OLFML3: variants seen among roughly 807,000 people sequenced by gnomAD.
The protein encoded by OLFML3 is olfactomedin-like protein 3.
Under a neutral mutation model 36.0 loss-of-function variants are expected in OLFML3, and 26 were observed. That is an observed-to-expected ratio of 0.72 (90% CI 0.53 to 1.00). The LOEUF (loss-of-function observed/expected upper bound fraction) is 1.00. OLFML3 is among the 50% of genes least tolerant of loss of function. The pLI, the probability that OLFML3 is intolerant of heterozygous loss-of-function variation, is 0.00. For missense variants in OLFML3, 503 were observed against 519.4 expected (o/e 0.97, Z 0.31); for synonymous variants, 184 against 201.2 (o/e 0.91, Z 0.72).
rs746967304 is a variant in OLFML3 at position 113,980,365 on chromosome 1, C to T, written c.148C>T (p.Arg50Trp). The change falls in exon 2 of 3, where the codon CGG becomes TGG. Residue 50 changes from arginine (R) to tryptophan (W), a missense_variant. Coordinates refer to ENST00000320334, the MANE Select transcript of OLFML3 (RefSeq NM_020190.5). Reference sequence around the variant, plus strand: ...GGCCCAGTGCCAGGACCAGAGTAGTCGGCATGCTGCTGAGCTGCGGGACTT... The same window carrying T: ...GGCCCAGTGCCAGGACCAGAGTAGTTGGCATGCTGCTGAGCTGCGGGACTT... ...RLAQCQDQSS[R>W]HAAELRDFKN... is the part of the protein sequence containing the mutation. 32 of 1,581,226 alleles carry T rather than the reference C, an allele frequency of 2.0e-5. No homozygotes were observed. Among genetic ancestry groups the T allele is most frequent in the Admixed American group, 1.6e-4 (9 of 57,576 alleles).
In OLFML3 at chr1:113,981,467, G is replaced by C. The variant is rs989665551; in HGVS notation, c.919G>C (p.Asp307His). ...CLAKLDPQTLDTEQQWDTPCP... is the reference protein window; with the variant it reads ...CLAKLDPQTLHTEQQWDTPCP... ...GGCCAAGTTAGATCCACAGACACTG[G>C]ACACAGAGCAGCAGTGGGACACACC... The change falls in exon 3 of 3, where the codon GAC (aspartate) becomes CAC (histidine). Residue 307 changes from aspartate (D) to histidine (H), a missense_variant. Physicochemically the swap from Asp to His is moderately conservative, Grantham distance 81. Coordinates refer to ENST00000320334, the MANE Select transcript of OLFML3 (RefSeq NM_020190.5). The C allele has an allele frequency of 5.0e-6, 8 of 1,613,822 alleles. No individual in the cohort carries two copies. The highest frequency in any genetic ancestry group is 5.9e-6 in the Non-Finnish European group (7 of 1,179,946).
Position 113,981,473 on chromosome 1 carries a change from G to A in OLFML3, c.925G>A (p.Glu309Lys). 6.2e-7 allele frequency: 1 copy of A among 1,614,020 alleles called. No homozygotes were observed. Among genetic ancestry groups the A allele is most frequent in the Non-Finnish European group, 8.5e-7 (1 of 1,179,980 alleles). The change falls in exon 3 of 3, where the codon GAG (glutamate) becomes AAG (lysine). Residue 309 changes from glutamate to lysine, a missense_variant. By Grantham distance (56) the Glu-to-Lys change is moderately conservative. Transcript: ENST00000320334. ...GTTAGATCCACAGACACTGGACACA[G>A]AGCAGCAGTGGGACACACCATGTCC... ...AKLDPQTLDT[E>K]QQWDTPCPRE...
Position 113,981,838 on chromosome 1 carries a change from T to C in OLFML3, c.*69T>C. On this transcript the variant is annotated 3_prime_UTR_variant, in exon 3 of 3. Coordinates refer to ENST00000320334, the MANE Select transcript of OLFML3 (RefSeq NM_020190.5). ...TATATTATATCCCCACTAAATTTCT[T>C]GTTCCTCATTCTTCAAATGTGGGCC... 7.2e-7 allele frequency: 1 copy of C among 1,395,484 alleles called. No homozygotes were observed. Among genetic ancestry groups the C allele is most frequent in the Middle Eastern group, 1.9e-4 (1 of 5,380 alleles). 86.4% of individuals were successfully genotyped at this position (1,395,484 alleles called of 1,614,324 possible). A position where few individuals can be genotyped will look rare whatever the true frequency, so the allele number is the denominator to read the frequency against.
intron 2 of OLFML3, 51 bp from the exon 3 acceptor site, chr1:113,980,898 G>A: frequency 7.0e-7 from 1 of 1,438,756 alleles, no homozygotes; most frequent in Middle Eastern, 1.8e-4. Context: ...GTTCCTGCTG[G>A]AGGCATCTAA....
intron 2 of OLFML3, 63 bp from the exon 3 acceptor site, chr1:113,980,886 G>T: frequency 7.4e-6 from 10 of 1,359,432 alleles, no homozygotes; most frequent in Non-Finnish European, 9.9e-6. Flanking sequence ...CACCCTGGGG[G>T]AGTTCCTGCT....
chr1:113,981,430 G>T lies in OLFML3; in HGVS notation c.882G>T (p.Arg294Ser). The change falls in exon 3 of 3, where the codon AGG (arginine) becomes AGT (serine). Residue 294 changes from arginine to serine, a missense_variant. Transcript: ENST00000320334. ...TCTATGCCACCCGGGAGGATGACAG[G>T]CACTTGTGTCTGGCCAAGTTAGATC... Reference protein sequence around the residue: ...WAVYATREDDRHLCLAKLDPQ... With the variant: ...WAVYATREDDSHLCLAKLDPQ... 1.9e-6 allele frequency: 3 copies of T among 1,613,208 alleles called. No individual in the cohort carries two copies. The highest frequency in any genetic ancestry group is 1.7e-4 in the Middle Eastern group (1 of 6,056).
intron 1 of OLFML3, chr1:113,980,003 A>C (rs1673348727): frequency 2.7e-6 from 4 of 1,480,944 alleles, no homozygotes; most frequent in Non-Finnish European, 3.6e-6. Context: ...TTAGTGTCCG[A>C]GAGGATAATT....
chr1:113,980,530 C>T lies in OLFML3; in HGVS notation c.313C>T (p.Pro105Ser). Residue 105 changes from proline (P) to serine (S), a missense_variant, in exon 2 of 3, where the codon CCC becomes TCC. Coordinates refer to ENST00000320334, the MANE Select transcript of OLFML3 (RefSeq NM_020190.5). Reference protein sequence around the residue: ...DYLETQNPALPCVEFDEKVTG... With the variant: ...DYLETQNPALSCVEFDEKVTG... ...TCTGGAGACCCAGAACCCAGCTCTGCCCTGTGTAGAGTTTGATGAGAAGGT... is the reference window on the plus strand; with the variant it reads ...TCTGGAGACCCAGAACCCAGCTCTGTCCTGTGTAGAGTTTGATGAGAAGGT... 1 of 1,614,038 alleles carries T rather than the reference C, an allele frequency of 6.2e-7. No individual in the cohort carries two copies. Among genetic ancestry groups the T allele is most frequent in the Non-Finnish European group, 8.5e-7 (1 of 1,179,990 alleles).
intron 2 of OLFML3, 111 bp downstream of exon 2, chr1:113,980,728 G>A: frequency 7.8e-7 from 1 of 1,287,170 alleles, no homozygotes; most frequent in Non-Finnish European, 1.0e-6. Context: ...TCTGTCTTCT[G>A]GAATCTGTTT....
At position 113,981,175 on chromosome 1, in the gene OLFML3, C is replaced by T. The variant is rs146881363; in HGVS notation, c.627C>T (p.Gly209=). Residue 209 remains glycine (G), a synonymous_variant, in exon 3 of 3, where the codon GGC becomes GGT. Coordinates refer to ENST00000320334, the MANE Select transcript of OLFML3 (RefSeq NM_020190.5). ...SRVRVPFPWV[G]TGQLVYGGFL... is the part of the protein sequence containing the mutation. ...TCCGGGTGCCCTTCCCCTGGGTAGG[C>T]ACAGGGCAGCTGGTATATGGTGGCT... 3.7e-6 allele frequency: 6 copies of T among 1,614,238 alleles called. No homozygotes were observed. Among genetic ancestry groups the T allele is most frequent in the Non-Finnish European group, 5.1e-6 (6 of 1,180,038 alleles).
chr1:113,981,725 A>G lies in OLFML3; in HGVS notation c.1177A>G (p.Ile393Val). ...CTATGCCTGGGATGATGGCTACCAGATTGTCTATAAGCTGGAGATGAGGAA... is the reference window on the plus strand; with the variant it reads ...CTATGCCTGGGATGATGGCTACCAGGTTGTCTATAAGCTGGAGATGAGGAA... Reference protein sequence around the residue: ...QLYAWDDGYQIVYKLEMRKKE... With the variant: ...QLYAWDDGYQVVYKLEMRKKE... Residue 393 changes from isoleucine (I) to valine (V), a missense_variant, in exon 3 of 3, where the codon ATT becomes GTT. Ile to Val is a conservative substitution (Grantham distance 29). Coordinates refer to ENST00000320334, the MANE Select transcript of OLFML3 (RefSeq NM_020190.5). 1 of 1,613,688 alleles carries G rather than the reference A, an allele frequency of 6.2e-7. No homozygotes were observed. The highest frequency in any genetic ancestry group is 1.1e-5 in the South Asian group (1 of 91,030).
At position 113,981,808 on chromosome 1, in the gene OLFML3, A is replaced by G. The variant is rs1270046850; in HGVS notation, c.*39A>G. 6.5e-7 allele frequency: 1 copy of G among 1,527,134 alleles called. No homozygotes were observed. The highest frequency in any genetic ancestry group is 2.4e-5 in the East Asian group (1 of 42,374). 94.6% of individuals were successfully genotyped at this position (1,527,134 alleles called of 1,614,324 possible). A position where few individuals can be genotyped will look rare whatever the true frequency, so the allele number is the denominator to read the frequency against. The stretch of plus-strand genomic sequence containing the variant: ...TTTTTTGCATCTTTCTCACTCCCAT[A>G]CATTTATATTATATCCCCACTAAAT... On this transcript the variant is annotated 3_prime_UTR_variant, in exon 3 of 3. Coordinates refer to ENST00000320334, the MANE Select transcript of OLFML3 (RefSeq NM_020190.5).
In OLFML3 at chr1:113,981,225, C is replaced by T. The variant is rs891088597; in HGVS notation, c.677C>T (p.Pro226Leu). 1.3e-5 allele frequency: 21 copies of T among 1,613,798 alleles called. No homozygotes were observed. Among genetic ancestry groups the T allele is most frequent in the African/African-American group, 2.7e-5 (2 of 74,902 alleles). ...GGFLYFARRP[P>L]GRPGGGGEME... ...TTTCTTTATTTTGCTCGGAGGCCTC[C>T]TGGAAGACCTGGTGGAGGTGGTGAG... is the stretch of plus-strand genomic sequence containing the variant. The change falls in exon 3 of 3, where the codon CCT (proline) becomes CTT (leucine). Residue 226 changes from proline to leucine, a missense_variant. By Grantham distance (98) the Pro-to-Leu change is moderately conservative (BLOSUM62 -3). Coordinates refer to ENST00000320334, the MANE Select transcript of OLFML3 (RefSeq NM_020190.5).
chr1:113,979,690 C>T, intron 1 of OLFML3, 60 bp downstream of exon 1: 2 of 1,284,662 alleles, frequency 1.6e-6, no homozygotes, highest in Non-Finnish European at 2.3e-6. Context: ...ATTGGTTCAA[C>T]CAGTTTGTTA....
At chr1:113,980,013 T>C in intron 1 of OLFML3, 1 of 1,494,302 alleles carries the variant, frequency 6.7e-7, no homozygotes, top group South Asian at 1.3e-5. Context: ...AGAGGATAAT[T>C]GCTAAGGGAG....
Position 113,981,107 on chromosome 1 carries a change from C to A in OLFML3, c.559C>A (p.Arg187Ser), listed in dbSNP as rs35317518. The change falls in exon 3 of 3, where the codon CGT (arginine) becomes AGT (serine). Residue 187 changes from arginine (R) to serine (S), a missense_variant. By Grantham distance (110) the Arg-to-Ser change is moderately radical. Coordinates refer to ENST00000320334, the MANE Select transcript of OLFML3 (RefSeq NM_020190.5). ...CACAGCCTTTGTCTTCCCAAGGCTG[C>A]GTGACTTCACCCTTGCCATGGCTGC... ...NDTAFVFPRL[R>S]DFTLAMAARK... 158 of 1,613,920 alleles carry A rather than the reference C, an allele frequency of 9.8e-5. No individual in the cohort carries two copies. In the African/African-American group the frequency reaches 2.0e-3, roughly 20 times the overall value.
At chr1:113,979,876 C>T (rs747077308) in intron 1 of OLFML3, 18 of 1,313,438 alleles carry the variant, frequency 1.4e-5, no homozygotes, top group East Asian at 2.6e-5. Context: ...AGAGTGGAAA[C>T]GAGAGCCAAA....
chr1:113,979,852 T>C (rs1571751368), intron 1 of OLFML3: 2 of 1,123,232 alleles, frequency 1.8e-6, no homozygotes, highest in East Asian at 5.2e-5. Flanking sequence ...TGGGATTAGA[T>C]AGAATAAGGG....
rs1171117130 is a variant in OLFML3 at position 113,980,478 on chromosome 1, G to A, written c.261G>A (p.Val87=). ...RTEADTISGR[V]DRLEREVDYL... is the part of the protein sequence containing the mutation. ...AGGCCGACACCATCTCCGGGAGAGT[G>A]GATCGTCTGGAGCGGGAGGTAGACT... Residue 87 remains valine, a synonymous_variant, in exon 2 of 3, where the codon GTG becomes GTA. Coordinates refer to ENST00000320334, the MANE Select transcript of OLFML3 (RefSeq NM_020190.5). The A allele has an allele frequency of 6.2e-7, 1 of 1,614,030 alleles. No individual in the cohort carries two copies. The highest frequency in any genetic ancestry group is 1.3e-5 in the African/African-American group (1 of 74,922).
Sources: allele counts gnomAD v4.1 joint callset, GRCh38; gene constraint gnomAD v4.1.1; transcripts MANE v1.5; gene names NCBI Gene and HGNC (gene_info 2026-07-23, HGNC 2026-07-21).